PPARGC1A: variants seen among roughly 807,000 people sequenced by gnomAD.
PPARGC1A encodes the protein peroxisome proliferator-activated receptor gamma coactivator 1-alpha.
PPARGC1A carries 25 observed loss-of-function variants against 88.7 expected under a neutral mutation model. The ratio of observed to expected loss-of-function variants is 0.28; its 90% CI spans 0.21 to 0.39. The LOEUF is 0.39. Ranked by LOEUF, PPARGC1A falls within the 10% of genes least tolerant of loss-of-function variation. The probability of loss-of-function intolerance (pLI) is 1.00; values close to 1 mark genes in which losing one functional copy is unlikely to be tolerated. For synonymous variants in PPARGC1A, 363 were observed against 355.6 expected (o/e 1.02, Z -0.24); for missense variants, 880 against 968.7 (o/e 0.91, Z 1.22).
the PPARGC1A span, among the ~76,000 whole-genome samples, chr4:23,995,231 A>C: frequency 6.6e-6 from 1 of 151,806 alleles, no homozygotes; most frequent in African/African-American, 2.4e-5. Flanking sequence ...TCACGTGGGA[A>C]AGTCACGCAG....
chr4:24,177,619 T>TAAAATAAATAAA, the PPARGC1A span, among the ~76,000 whole-genome samples: 1 of 124,950 alleles, frequency 8.0e-6, no homozygotes, highest in African/African-American at 3.2e-5. Context: ...TCAAGTATAA[T>TAAAATAAATAAA]TAAATAAATA....
chr4:23,802,559 T>G (rs1419324533), intron 10 of PPARGC1A, among the ~76,000 whole-genome samples: 3 of 150,716 alleles, frequency 2.0e-5, no homozygotes, highest in African/African-American at 7.3e-5. Flanking sequence ...GCACCTGCAA[T>G]CCCAGCTACT....
At chr4:24,119,254 G>A in the PPARGC1A span, among the ~76,000 whole-genome samples, 2,953 of 152,130 alleles carry the variant, frequency 0.019, 98 homozygotes, top group African/African-American at 0.063. Flanking sequence ...AAAACCTCTC[G>A]ATCTAAGCAC....
chr4:23,955,976 T>C, the PPARGC1A span, among the ~76,000 whole-genome samples: 1 of 152,138 alleles, frequency 6.6e-6, no homozygotes, highest in Admixed American at 6.6e-5. Context: ...CTCTGCCATG[T>C]AAATCAAAAG....
At chr4:23,974,773 C>T in the PPARGC1A span, among the ~76,000 whole-genome samples, 42 of 143,996 alleles carry the variant, frequency 2.9e-4, 1 homozygote, top group African/African-American at 1.0e-3. Context: ...GCTGGGACTA[C>T]AGGAACCAGC....
the PPARGC1A span, among the ~76,000 whole-genome samples, chr4:24,047,507 C>A: frequency 5.9e-5 from 9 of 152,278 alleles, no homozygotes; most frequent in South Asian, 8.3e-4. Context: ...TAAGGTAGCA[C>A]CATTCTTGAC....
chr4:24,199,197 G>A, the PPARGC1A span, among the ~76,000 whole-genome samples: 6 of 152,128 alleles, frequency 3.9e-5, no homozygotes, highest in Non-Finnish European at 8.8e-5. Flanking sequence ...CCAACACTTA[G>A]AAGAGTACTT....
At chr4:24,081,857 C>T in the PPARGC1A span, among the ~76,000 whole-genome samples, 1 of 151,944 alleles carries the variant, frequency 6.6e-6, no homozygotes, top group Admixed American at 6.6e-5. Flanking sequence ...GTTTTAATCC[C>T]GGTCTTTTTG....
the PPARGC1A span, among the ~76,000 whole-genome samples, chr4:24,056,992 T>C: frequency 6.6e-6 from 1 of 152,156 alleles, no homozygotes; most frequent in African/African-American, 2.4e-5. Context: ...TAAAAAGAGA[T>C]ATCTTTACAC....
At chr4:24,400,403 C>T in the PPARGC1A span, among the ~76,000 whole-genome samples, 1 of 152,186 alleles carries the variant, frequency 6.6e-6, no homozygotes, top group Non-Finnish European at 1.5e-5. Flanking sequence ...AGATGCTTCC[C>T]ACTCTCAAAC....
the PPARGC1A span, among the ~76,000 whole-genome samples, chr4:24,156,206 G>A: frequency 3.9e-5 from 6 of 152,082 alleles, no homozygotes; most frequent in African/African-American, 1.4e-4. Flanking sequence ...TATGTATTTT[G>A]GGATATATAA....
the PPARGC1A span, among the ~76,000 whole-genome samples, chr4:24,173,688 T>C: frequency 6.6e-6 from 1 of 152,252 alleles, no homozygotes; most frequent in Non-Finnish European, 1.5e-5. Flanking sequence ...AACTGAGTTC[T>C]AGTAACATTT....
chr4:24,057,892 G>T, the PPARGC1A span, among the ~76,000 whole-genome samples: 1 of 152,198 alleles, frequency 6.6e-6, no homozygotes, highest in Non-Finnish European at 1.5e-5. Context: ...GTTGGTTGGT[G>T]GTTCCCAAAG....
the PPARGC1A span, among the ~76,000 whole-genome samples, chr4:24,236,014 A>G: frequency 6.6e-6 from 1 of 152,336 alleles, no homozygotes; most frequent in East Asian, 1.9e-4. Flanking sequence ...AGTTACCATC[A>G]ATATCCCAGG....
the PPARGC1A span, among the ~76,000 whole-genome samples, chr4:24,367,754 C>T: frequency 1.3e-5 from 2 of 151,892 alleles, no homozygotes; most frequent in Admixed American, 6.6e-5. Context: ...GTTTCTTTGT[C>T]GCTAGAGAAA....
At chr4:24,076,911 G>T in the PPARGC1A span, among the ~76,000 whole-genome samples, 4 of 151,698 alleles carry the variant, frequency 2.6e-5, no homozygotes, top group African/African-American at 9.7e-5. Context: ...TTTGTTCACC[G>T]CTGAACTATG....
the PPARGC1A span, among the ~76,000 whole-genome samples, chr4:24,401,434 G>A: frequency 6.6e-6 from 1 of 152,128 alleles, no homozygotes; most frequent in Non-Finnish European, 1.5e-5. Flanking sequence ...CAATGAACAC[G>A]TTTGCCCATG....
At chr4:23,906,071 C>T (rs1719991818), upstream of PPARGC1A, among the ~76,000 whole-genome samples, 1 of 152,186 alleles carries the variant, frequency 6.6e-6, no homozygotes, top group African/African-American at 2.4e-5. Context: ...AGAAGCCTTA[C>T]AACAAGTGTC....
chr4:23,862,696 T>C (rs899702385), intron 2 of PPARGC1A, among the ~76,000 whole-genome samples: 1 of 152,222 alleles, frequency 6.6e-6, no homozygotes, highest in African/African-American at 2.4e-5. Flanking sequence ...AGTCCAGTGC[T>C]GGGCAAGCCC....
Sources: gnomAD v4.1 joint callset for allele counts (sites outside exome capture counted in the v4.1 genomes callset) on GRCh38, gnomAD v4.1.1 for gene constraint, MANE v1.5 for transcripts, NCBI Gene and HGNC (gene_info 2026-07-23, HGNC 2026-07-21) for gene names.